CPD: variants seen among roughly 807,000 people sequenced by gnomAD.
The protein encoded by CPD is carboxypeptidase D, also known as metallocarboxypeptidase D.
Under a neutral mutation model 138.3 loss-of-function variants are expected in CPD, and 69 were observed. The observed-to-expected ratio is 0.50, with a 90% CI of 0.41 to 0.61. The LOEUF is 0.61. CPD is among the 20% of genes least tolerant of loss of function. The pLI is 0.00. For synonymous variants in CPD, 651 were observed against 642.1 expected (o/e 1.01, Z -0.21); for missense variants, 1,432 against 1,733.3 (o/e 0.83, Z 3.09).
rs989751472 is a variant in CPD at position 30,378,953 on chromosome 17, G to C, written c.-28G>C. 1 of 1,458,402 alleles carries C rather than the reference G, an allele frequency of 6.9e-7. No individual in the cohort carries two copies. The highest frequency in any genetic ancestry group is 8.9e-7 in the Non-Finnish European group (1 of 1,118,312). The allele number at this position is 1,458,402 out of a possible 1,614,324, so 90.3% of individuals were successfully genotyped here. A position where few individuals can be genotyped will look rare whatever the true frequency, so the allele number is the denominator to read the frequency against. On this transcript the variant is annotated 5_prime_UTR_variant, in exon 1 of 21. Transcript: ENST00000225719. ...CCCGGAGCGCTGAGCCGCGGGAGCGGAGCCGGGGTTAGCGGCGCTGCTGGA... is the reference window on the plus strand; with the variant it reads ...CCCGGAGCGCTGAGCCGCGGGAGCGCAGCCGGGGTTAGCGGCGCTGCTGGA...
Position 30,445,887 on chromosome 17 carries a change from G to A in CPD, c.2740G>A (p.Gly914Ser). Reference protein sequence around the residue: ...TLIKDLSAENGLESLMLRSSS... With the variant: ...TLIKDLSAENSLESLMLRSSS... ...AATTAAAGACCTTTCAGCGGAGAAT[G>A]GTTTGGAAAGCCTCATGTTACGCTC... Residue 914 changes from glycine (G) to serine (S), a missense_variant, in exon 12 of 21, where the codon GGT (glycine) becomes AGT (serine). Gly to Ser is a moderately conservative substitution (Grantham distance 56). Transcript: ENST00000225719. 1 of 1,614,148 alleles carries A rather than the reference G, an allele frequency of 6.2e-7. No individual in the cohort carries two copies. Among genetic ancestry groups the A allele is most frequent in the Non-Finnish European group, 8.5e-7 (1 of 1,180,012 alleles).
intron 8 of CPD, among the ~76,000 whole-genome samples, chr17:30,434,717 A>C (rs12941462): frequency 0.52 from 78,426 of 151,722 alleles, 20,921 homozygotes; most frequent in East Asian, 0.83. Context: ...GAAAAGGAAA[A>C]AGTGGGGAGA....
chr17:30,390,871 C>A (rs1911337174), intron 2 of CPD, among the ~76,000 whole-genome samples: 2 of 151,586 alleles, frequency 1.3e-5, no homozygotes, highest in Non-Finnish European at 2.9e-5. Flanking sequence ...CTCTTGTTGC[C>A]CAGGGTGGAG....
intron 19 of CPD, 71 bp from the exon 20 acceptor site, chr17:30,462,294 GGGGCC>G (rs1488766152): frequency 1.1e-5 from 14 of 1,228,312 alleles, no homozygotes; most frequent in Non-Finnish European, 1.4e-5. Flanking sequence ...TTTGCTATAT[GGGGCC>G]TAATAATATA....
intron 12 of CPD, among the ~76,000 whole-genome samples, chr17:30,447,747 CAT>C (rs2143480607): frequency 6.6e-6 from 1 of 152,264 alleles, no homozygotes; most frequent in African/African-American, 2.4e-5. Context: ...CCAGGGAAAA[CAT>C]ACAGTCCTGG....
intron 14 of CPD, among the ~76,000 whole-genome samples, chr17:30,452,507 G>A (rs1479188607): frequency 6.7e-6 from 1 of 149,720 alleles, no homozygotes; most frequent in African/African-American, 2.5e-5. Context: ...CCCGACCTCG[G>A]GTGATCCGCC....
At chr17:30,402,819 C>G (rs777769486) in intron 2 of CPD, among the ~76,000 whole-genome samples, 1 of 152,038 alleles carries the variant, frequency 6.6e-6, no homozygotes. Context: ...AAACATAATA[C>G]TTGTTGGCTG....
intron 2 of CPD, among the ~76,000 whole-genome samples, chr17:30,397,314 CACTA>C (rs1170811022): frequency 6.6e-6 from 1 of 152,022 alleles, no homozygotes; most frequent in Non-Finnish European, 1.5e-5. Flanking sequence ...AATTTAAATA[CACTA>C]ACATACTATA....
intron 20 of CPD, among the ~76,000 whole-genome samples, chr17:30,463,579 A>G (rs1225674722): frequency 6.6e-6 from 1 of 152,232 alleles, no homozygotes; most frequent in African/African-American, 2.4e-5. Context: ...TAGGAAGGAA[A>G]AAAATGTGGT....
intron 7 of CPD, among the ~76,000 whole-genome samples, chr17:30,429,686 G>A (rs1305424838): frequency 6.6e-6 from 1 of 152,200 alleles, no homozygotes. Context: ...AAAAAGCAGT[G>A]TTAAGGACTT....
chr17:30,379,141 A>AG lies in CPD; in HGVS notation c.162dup (p.Phe55ValfsTer30), dbSNP rs1910970043. On this transcript the variant is annotated frameshift_variant, in exon 1 of 21. Transcript: ENST00000225719. LOFTEE classifies it high-confidence loss of function. This position sits in a 1 kb window ranked among gnomAD's most constrained non-coding sequence, Gnocchi z 7.0. ...GCGGGCGCCGAGGCGGCCGAGGGCC[A>AG]GTTCGACCGCTACTACCACGAAGAG... The AG allele has an allele frequency of 6.5e-7, 1 of 1,537,424 alleles. No individual in the cohort carries two copies. Among genetic ancestry groups the AG allele is most frequent in the Admixed American group, 2.0e-5 (1 of 51,020 alleles).
At chr17:30,430,442 C>T (rs1597722753) in intron 7 of CPD, among the ~76,000 whole-genome samples, 1 of 152,148 alleles carries the variant, frequency 6.6e-6, no homozygotes, top group Non-Finnish European at 1.5e-5. Context: ...TCAAGGTTCA[C>T]TCATGTTGTG....
In CPD at chr17:30,465,698, A is replaced by G. The variant is rs1257680730; in HGVS notation, c.*884A>G. 3.3e-5 allele frequency: 5 copies of G among 152,610 alleles called. No homozygotes were observed. Among genetic ancestry groups the G allele is most frequent in the Admixed American group, 3.3e-4 (5 of 15,274 alleles). The allele number at this position is 152,610 out of a possible 1,614,324, so 9.5% of individuals were successfully genotyped here. On this transcript the variant is annotated 3_prime_UTR_variant, in exon 21 of 21. Coordinates refer to ENST00000225719, the MANE Select transcript of CPD (RefSeq NM_001304.5). The stretch of plus-strand genomic sequence containing the variant: ...ATTGCCTAAATCGGAACCTTTTTCT[A>G]TGTTGCACACATGGTTTTCAGATGA...
chr17:30,435,492 C>T (rs920067415), intron 8 of CPD, among the ~76,000 whole-genome samples: 27 of 152,080 alleles, frequency 1.8e-4, no homozygotes, highest in African/African-American at 4.6e-4. Flanking sequence ...CTTCCTCACA[C>T]CACACCCCAA....
intron 2 of CPD, among the ~76,000 whole-genome samples, chr17:30,401,338 CTT>C: frequency 6.6e-6 from 1 of 151,058 alleles, no homozygotes; most frequent in African/African-American, 2.4e-5. Flanking sequence ...TCCTCTTCCT[CTT>C]CTTCCTCCTC....
chr17:30,433,702 C>T (rs1011073676), intron 8 of CPD, among the ~76,000 whole-genome samples: 4 of 152,206 alleles, frequency 2.6e-5, no homozygotes, highest in African/African-American at 9.6e-5. Flanking sequence ...CTCCCTGGCT[C>T]AGTTCCCACT....
rs765929148 is a variant in CPD, at chr17:30,442,472, A to G, written c.2373+22A>G. 20 of 1,603,488 alleles carry G rather than the reference A, an allele frequency of 1.2e-5. 1 individual carries two copies. In the South Asian group the frequency reaches 2.2e-4, roughly 18 times the overall value. On this transcript the variant is annotated intron_variant, in intron 10 of 20. Transcript: ENST00000225719. ...ACAGGTGACTATTCAGGAGTGAAGT[A>G]TGAAATTTCTCCCGAGGGTGAAAAG...
intron 8 of CPD, among the ~76,000 whole-genome samples, chr17:30,436,208 G>A (rs2143450863): frequency 6.6e-6 from 1 of 152,182 alleles, no homozygotes; most frequent in Middle Eastern, 3.4e-3. Context: ...AGCTACTTGG[G>A]AGGCTGAGGC....
At chr17:30,431,965 C>G in intron 8 of CPD, 84 bp downstream of exon 8, 1 of 877,772 alleles carries the variant, frequency 1.1e-6, no homozygotes, top group Non-Finnish European at 1.7e-6. Flanking sequence ...AGACTCAGGT[C>G]AAGTGCTTCC....
Sources: allele counts gnomAD v4.1 joint callset (sites outside exome capture counted in the v4.1 genomes callset), GRCh38; gene constraint gnomAD v4.1.1; non-coding constraint Gnocchi (gnomAD v3.1); transcripts MANE v1.5; gene names NCBI Gene and HGNC (gene_info 2026-07-23, HGNC 2026-07-21).